The following DNAH9 variants were observed in gnomAD, a reference collection of about 807,000 sequenced individuals.
DNAH9 encodes dynein axonemal heavy chain 9, also known as DNAH9 variant protein.
DNAH9 carries 345 observed loss-of-function variants against 471.6 expected under a neutral mutation model. The observed-to-expected ratio is 0.73, with a 90% CI of 0.67 to 0.80. DNAH9 has a LOEUF of 0.80. DNAH9 is among the 30% of genes least tolerant of loss of function. The pLI is 0.00. For synonymous variants in DNAH9, 2,093 were observed against 2,123.6 expected, an observed-to-expected ratio of 0.99 and a Z score of 0.40; for missense variants, 5,407 against 5,609.2, an observed-to-expected ratio of 0.96 and a Z score of 1.15.
chr17:11,725,257 T>C (rs1361878630), intron 27 of DNAH9, among the ~76,000 whole-genome samples: 1 of 152,192 alleles, frequency 6.6e-6, no homozygotes, highest in African/African-American at 2.4e-5. Context: ...GCCTGGAACT[T>C]CCATCACCTC....
intron 4 of DNAH9, chr17:11,612,431 T>C (rs2072658518): frequency 6.2e-6 from 1 of 162,176 alleles, no homozygotes; most frequent in African/African-American, 2.4e-5. Flanking sequence ...TTCCATCCGA[T>C]CTGCCTACAG....
intron 67 of DNAH9, among the ~76,000 whole-genome samples, chr17:11,958,047 C>T (rs1413435275): frequency 6.6e-6 from 1 of 152,158 alleles, no homozygotes; most frequent in African/African-American, 2.4e-5. Context: ...GGATAAACTG[C>T]AGTACATCCA....
chr17:11,699,727 A>G lies in DNAH9; in HGVS notation c.4873-4A>G, dbSNP rs1335333057. On this transcript the variant is annotated splice_polypyrimidine_tract_variant and splice_region_variant and intron_variant, in intron 22 of 68. Transcript: ENST00000262442. ...TGATCCATTGGCCTGGTTTCCCTTC[A>G]TAGGTTCAACGTCACCTTTCCAAAC... The G allele has an allele frequency of 6.2e-7, 1 of 1,614,010 alleles. No homozygotes were observed. Among genetic ancestry groups the G allele is most frequent in the Admixed American group, 1.7e-5 (1 of 60,012 alleles).
rs1567728643 is a variant in DNAH9 at position 11,698,194 on chromosome 17, A to ATATATTAAT, written c.4873-1537_4873-1536insTATATTAAT. 4.2e-4 allele frequency among the ~76,000 whole-genome samples: 37 copies of ATATATTAAT among 88,070 alleles called. 1 individual carries two copies. Among genetic ancestry groups the ATATATTAAT allele is most frequent in the East Asian group, 1.3e-3 (4 of 3,070 alleles). 57.8% of individuals were successfully genotyped at this position (88,070 alleles called of 152,430 possible). A position where few individuals can be genotyped will look rare whatever the true frequency, so the allele number is the denominator to read the frequency against. Reference sequence around the variant, plus strand: ...TATTAATATATTATTATATTAATATAATAATATATTAATAATATAATTATA... The same window carrying ATATATTAAT: ...TATTAATATATTATTATATTAATATATATATTAATATAATATATTAATAATATAATTATA... On this transcript the variant is annotated intron_variant, in intron 22 of 68. Coordinates refer to ENST00000262442, the MANE Select transcript of DNAH9 (RefSeq NM_001372.4).
intron 68 of DNAH9, among the ~76,000 whole-genome samples, chr17:11,964,207 T>C (rs142687652): frequency 6.6e-6 from 1 of 152,208 alleles, no homozygotes; most frequent in South Asian, 2.1e-4. Context: ...TCTCTCCACC[T>C]GAACATTTGC....
chr17:11,679,770 G>T lies in DNAH9; in HGVS notation c.3367G>T (p.Asp1123Tyr), dbSNP rs748070953. 2.5e-6 allele frequency: 4 copies of T among 1,613,568 alleles called. No individual in the cohort carries two copies. Among genetic ancestry groups the T allele is most frequent in the Non-Finnish European group, 3.4e-6 (4 of 1,179,652 alleles). The change falls in exon 18 of 69, where the codon GAT (aspartate) becomes TAT (tyrosine). Residue 1123 changes from aspartate to tyrosine, a missense_variant. Physicochemically the swap from Asp to Tyr is radical, Grantham distance 160. Around this residue, in one of 3 missense-constraint regions of DNAH9, gnomAD observed 4,636 missense variants for 4,900.3 expected, o/e 0.95. Transcript: ENST00000262442. ...DHVTHSLANL[D>Y]AFIKKSESGL... ...TGTGTTGATTAGCTTGGCCAACCTGGATGCGTTTATAAAGAAGAGTGAGAG... is the reference window on the plus strand; with the variant it reads ...TGTGTTGATTAGCTTGGCCAACCTGTATGCGTTTATAAAGAAGAGTGAGAG...
At chr17:11,882,953 A>G in intron 55 of DNAH9, 2 of 985,540 alleles carry the variant, frequency 2.0e-6, no homozygotes, top group Non-Finnish European at 2.4e-6. Flanking sequence ...AACCTCCAAC[A>G]GGAAGGTTGT....
At chr17:11,761,038 A>G (rs1967644069) in intron 35 of DNAH9, among the ~76,000 whole-genome samples, 1 of 152,370 alleles carries the variant, frequency 6.6e-6, no homozygotes, top group Admixed American at 6.5e-5. Context: ...CAGGCCCATA[A>G]GGGGCAATTA....
At chr17:11,638,444 G>T (rs1034308912) in intron 9 of DNAH9, among the ~76,000 whole-genome samples, 14 of 152,106 alleles carry the variant, frequency 9.2e-5, no homozygotes, top group African/African-American at 3.4e-4. Flanking sequence ...GAGTGCAGTG[G>T]CACGATCTCG....
chr17:11,915,582 C>G (rs1973924639), intron 61 of DNAH9, among the ~76,000 whole-genome samples: 1 of 152,036 alleles, frequency 6.6e-6, no homozygotes, highest in African/African-American at 2.4e-5. Context: ...AGTGACTTCC[C>G]ACTGGTATAG....
chr17:11,957,806 T>C lies in DNAH9; in HGVS notation c.12844-4061T>C, dbSNP rs192073158. On this transcript the variant is annotated intron_variant, in intron 67 of 68. Transcript: ENST00000262442. ...GACTGTATCAATGTCAGTATCTTGG[T>C]TGTGATATTGTACTATAGTTTTTCA... is the stretch of plus-strand genomic sequence containing the variant. Among the ~76,000 whole-genome samples the C allele has an allele frequency of 1.6e-4, 24 of 152,302 alleles. No homozygotes were observed. In the East Asian group the frequency reaches 2.9e-3, roughly 18 times the overall value.
intron 48 of DNAH9, among the ~76,000 whole-genome samples, chr17:11,829,658 G>T (rs918968572): frequency 1.3e-5 from 2 of 152,210 alleles, no homozygotes; most frequent in South Asian, 2.1e-4. Context: ...TTTTAGTAGA[G>T]ATGGGGGTCT....
intron 59 of DNAH9, 65 bp downstream of exon 59, chr17:11,894,561 C>T (rs1973165399): frequency 4.4e-6 from 7 of 1,584,524 alleles, no homozygotes; most frequent in Non-Finnish European, 6.0e-6. Context: ...TGACACTGGT[C>T]CCCATGAAGT....
rs1163667325 is a variant in DNAH9, at chr17:11,930,084, C to G, written c.12096C>G (p.Asn4032Lys). ...MHANLHKALD[N>K]FTQDTLEMCS... is the part of the protein sequence containing the mutation. The stretch of plus-strand genomic sequence containing the variant: ...CCAACCTGCACAAGGCCCTGGACAA[C>G]TTCACTCAGGTACGGCCCCGGGAGG... Residue 4032 changes from asparagine (N) to lysine (K), a missense_variant, in exon 63 of 69, where the codon AAC (asparagine) becomes AAG (lysine). Around this residue, in one of 3 missense-constraint regions of DNAH9, gnomAD observed 4,636 missense variants for 4,900.3 expected, o/e 0.95. Transcript: ENST00000262442. The G allele has an allele frequency of 1.2e-6, 2 of 1,613,522 alleles. No homozygotes were observed. Among genetic ancestry groups the G allele is most frequent in the African/African-American group, 2.7e-5 (2 of 74,924 alleles).
chr17:11,844,915 T>A (rs925171590), intron 49 of DNAH9, among the ~76,000 whole-genome samples: 2 of 152,146 alleles, frequency 1.3e-5, no homozygotes, highest in African/African-American at 4.8e-5. Flanking sequence ...ACGTTGAGCT[T>A]TTTTTCATAG....
At chr17:11,812,197 C>T (rs957594762) in intron 45 of DNAH9, among the ~76,000 whole-genome samples, 2 of 150,620 alleles carry the variant, frequency 1.3e-5, no homozygotes, top group African/African-American at 4.9e-5. Context: ...TACAAAACCA[C>T]CTCTTCATCT....
At chr17:11,777,908 A>G (rs1202668460) in intron 38 of DNAH9, among the ~76,000 whole-genome samples, 2 of 152,226 alleles carry the variant, frequency 1.3e-5, no homozygotes, top group African/African-American at 4.8e-5. Context: ...GAAAGTTCAA[A>G]TATAGTATAA....
chr17:11,821,691 T>G (rs1447266578), intron 45 of DNAH9, among the ~76,000 whole-genome samples: 1 of 152,170 alleles, frequency 6.6e-6, no homozygotes, highest in Admixed American at 6.5e-5. Context: ...ACCAACTGTC[T>G]ACCCCAGGAC....
rs140808392 is a variant in DNAH9 at position 11,682,563 on chromosome 17, G to A, written c.3743+1674G>A. 6.6e-5 allele frequency among the ~76,000 whole-genome samples: 10 copies of A among 152,034 alleles called. No individual in the cohort carries two copies. In the East Asian group the frequency reaches 1.4e-3, roughly 21 times the overall value. ...GAGAATAAGATGAGTAGGTTAAGAG[G>A]CGGGGAAGGACAAGTGTGTAAAACA... is the stretch of plus-strand genomic sequence containing the variant. On this transcript the variant is annotated intron_variant, in intron 19 of 68. Coordinates refer to ENST00000262442, the MANE Select transcript of DNAH9 (RefSeq NM_001372.4).
Sources: gnomAD v4.1 joint callset for allele counts (sites outside exome capture counted in the v4.1 genomes callset) on GRCh38, gnomAD v4.1.1 for gene constraint, gnomAD v4.1.1 regional missense constraint, MANE v1.5 for transcripts, NCBI Gene and HGNC (gene_info 2026-07-23, HGNC 2026-07-21) for gene names.